The following SPATS2 variants were observed in gnomAD, a reference collection of about 807,000 sequenced individuals.
SPATS2 encodes spermatogenesis-associated serine-rich protein 2.
SPATS2 carries 38 observed loss-of-function variants against 63.7 expected under a neutral mutation model. That is an observed-to-expected ratio of 0.60 (90% CI 0.46 to 0.78). SPATS2 has a LOEUF of 0.78. SPATS2 is among the 30% of genes least tolerant of loss of function. SPATS2 has a pLI of 0.00. For synonymous variants in SPATS2, 207 were observed against 232.9 expected, an observed-to-expected ratio of 0.89 and a Z score of 1.01; for missense variants, 588 against 666.2, an observed-to-expected ratio of 0.88 and a Z score of 1.29.
rs146094998 is a variant in SPATS2 at position 49,494,892 on chromosome 12, A to T, written c.416A>T (p.Asn139Ile). ...GGCTACCATGTCAATGGTGCCATCA[A>T]TGACACTGAGTCTGTGGACTCACTC... Reference protein sequence around the residue: ...MNGYHVNGAINDTESVDSLSE... With the variant: ...MNGYHVNGAIIDTESVDSLSE... The change falls in exon 7 of 14, where the codon AAT becomes ATT. Residue 139 changes from asparagine to isoleucine, a missense_variant. Transcript: ENST00000552918. The T allele has an allele frequency of 6.2e-7, 1 of 1,614,052 alleles. No homozygotes were observed. Among genetic ancestry groups the T allele is most frequent in the Admixed American group, 1.7e-5 (1 of 59,970 alleles).
intron 10 of SPATS2, among the ~76,000 whole-genome samples, chr12:49,518,826 T>C (rs939464454): frequency 1.3e-5 from 2 of 152,230 alleles, no homozygotes; most frequent in African/African-American, 4.8e-5. Flanking sequence ...TGATAAAATT[T>C]TTTTGACTGG....
chr12:49,453,289 G>T (rs1945658495), intron 2 of SPATS2, among the ~76,000 whole-genome samples: 1 of 151,796 alleles, frequency 6.6e-6, no homozygotes. Flanking sequence ...CTGCATTTTT[G>T]AATATCTCAT....
chr12:49,375,029 A>G (rs1054647282), intron 2 of SPATS2, among the ~76,000 whole-genome samples: 1 of 150,918 alleles, frequency 6.6e-6, no homozygotes, highest in African/African-American at 2.4e-5. Flanking sequence ...CAAGGGTTAC[A>G]CAGGGATTCT....
At chr12:49,381,862 A>T (rs1944228417) in intron 2 of SPATS2, among the ~76,000 whole-genome samples, 1 of 152,202 alleles carries the variant, frequency 6.6e-6, no homozygotes, top group Admixed American at 6.5e-5. Flanking sequence ...TCTTGAACTG[A>T]TGAATATATT....
chr12:49,394,280 A>C (rs1337647942), intron 2 of SPATS2, among the ~76,000 whole-genome samples: 1 of 149,464 alleles, frequency 6.7e-6, no homozygotes, highest in Non-Finnish European at 1.5e-5. Flanking sequence ...CAGAGGTTGC[A>C]GTGAGCTGAG....
chr12:49,406,773 T>TA (rs998961663), intron 2 of SPATS2, among the ~76,000 whole-genome samples: 1,001 of 146,688 alleles, frequency 6.8e-3, no homozygotes, highest in Admixed American at 0.012. Context: ...CAGATTTGGT[T>TA]AAAAAAAAAA....
intron 2 of SPATS2, among the ~76,000 whole-genome samples, chr12:49,436,753 C>A (rs1238749282): frequency 6.8e-6 from 1 of 147,438 alleles, no homozygotes; most frequent in Non-Finnish European, 1.5e-5. Flanking sequence ...CCACATCCTT[C>A]CCGGACAGGG....
At chr12:49,524,625 C>A in intron 12 of SPATS2, 57 bp from the exon 13 acceptor site, 1 of 1,548,996 alleles carries the variant, frequency 6.5e-7, no homozygotes. Context: ...AAGTAGAAAC[C>A]TTATCCATTG....
intron 2 of SPATS2, among the ~76,000 whole-genome samples, chr12:49,437,193 G>GGGGC (rs1945324658): frequency 6.6e-6 from 1 of 150,654 alleles, no homozygotes; most frequent in Admixed American, 6.6e-5. Context: ...CTTCTCAGAC[G>GGGGC]GGGCGGCCGG....
At chr12:49,367,173 C>T (rs1028394835), upstream of SPATS2, 17 of 167,648 alleles carry the variant, frequency 1.0e-4, no homozygotes, top group Middle Eastern at 5.5e-3. Flanking sequence ...GTGCGCGGGC[C>T]GTCTCGCCGC....
At chr12:49,425,157 T>C (rs984600926) in intron 2 of SPATS2, among the ~76,000 whole-genome samples, 1 of 152,164 alleles carries the variant, frequency 6.6e-6, no homozygotes, top group African/African-American at 2.4e-5. Flanking sequence ...TCTTAGAGAC[T>C]TGAAGCAATG....
Position 49,524,807 on chromosome 12 carries a change from A to G in SPATS2, c.1237A>G (p.Thr413Ala). 1 of 1,614,118 alleles carries G rather than the reference A, an allele frequency of 6.2e-7. No individual in the cohort carries two copies. Among genetic ancestry groups the G allele is most frequent in the Non-Finnish European group, 8.5e-7 (1 of 1,180,030 alleles). Residue 413 changes from threonine to alanine, a missense_variant, in exon 13 of 14, where the codon ACA becomes GCA. Thr to Ala is a moderately conservative substitution (Grantham distance 58). Transcript: ENST00000552918. ...SSTCASPPSL[T>A]SANKKNFAPG... ...CACCTGTGCCTCTCCTCCCAGCCTT[A>G]CAAGTGCTAACAAGAAAAACTTTGC...
intron 8 of SPATS2, among the ~76,000 whole-genome samples, chr12:49,498,457 A>G (rs1374901999): frequency 2.0e-5 from 3 of 152,142 alleles, no homozygotes; most frequent in Non-Finnish European, 4.4e-5. Flanking sequence ...AGTGTACTAT[A>G]CAGACAGAAC....
In SPATS2 at chr12:49,371,302, C is replaced by T. The variant is rs1168946438; in HGVS notation, c.-244+12C>T. 2.6e-5 allele frequency: 4 copies of T among 152,214 alleles called. No homozygotes were observed. Among genetic ancestry groups the T allele is most frequent in the Admixed American group, 2.6e-4 (4 of 15,282 alleles). 9.4% of individuals were successfully genotyped at this position (152,214 alleles called of 1,614,324 possible). A position where few individuals can be genotyped will look rare whatever the true frequency, so the allele number is the denominator to read the frequency against. On this transcript the variant is annotated intron_variant, in intron 2 of 13. Coordinates refer to ENST00000552918, the MANE Select transcript of SPATS2 (RefSeq NM_023071.4). ...TGGTTACCTCATATGTAAGTGGAAT[C>T]ATACAATATTTACTTTTTTGTGTCT... is the stretch of plus-strand genomic sequence containing the variant.
intron 2 of SPATS2, among the ~76,000 whole-genome samples, chr12:49,409,307 T>G (rs988436854): frequency 1.3e-5 from 2 of 152,032 alleles, no homozygotes; most frequent in Admixed American, 6.6e-5. Context: ...TGTTGTTGTT[T>G]TTTGTTTTGT....
At chr12:49,481,668 A>AC (rs1166588784) in intron 3 of SPATS2, among the ~76,000 whole-genome samples, 66 of 151,794 alleles carry the variant, frequency 4.3e-4, no homozygotes, top group African/African-American at 1.5e-3. Context: ...GGGTTTCACC[A>AC]TGTTTGCTGA....
chr12:49,474,514 C>A (rs1267207034), intron 3 of SPATS2, among the ~76,000 whole-genome samples: 1 of 152,198 alleles, frequency 6.6e-6, no homozygotes, highest in Non-Finnish European at 1.5e-5. Flanking sequence ...CACTCTTTTA[C>A]AGTTCTAAAA....
chr12:49,437,929 A>G (rs1429192491), intron 2 of SPATS2, among the ~76,000 whole-genome samples: 3 of 152,126 alleles, frequency 2.0e-5, no homozygotes, highest in Admixed American at 6.5e-5. Context: ...TATGCTTTGA[A>G]GTTTTTTCCC....
rs752026347 is a variant in SPATS2 at position 49,526,291 on chromosome 12, C to T, written c.*36C>T. 1 of 1,545,502 alleles carries T rather than the reference C, an allele frequency of 6.5e-7. No homozygotes were observed. Among genetic ancestry groups the T allele is most frequent in the South Asian group, 1.3e-5 (1 of 79,622 alleles). ...AGTTGGCCTCTCTCCTCTATCCACA[C>T]AATTCAACTTGATAACTGGACTTTA... On this transcript the variant is annotated 3_prime_UTR_variant, in exon 14 of 14. Transcript: ENST00000552918.
Sources: allele counts gnomAD v4.1 joint callset (sites outside exome capture counted in the v4.1 genomes callset), GRCh38; gene constraint gnomAD v4.1.1; transcripts MANE v1.5; gene names NCBI Gene and HGNC (gene_info 2026-07-23, HGNC 2026-07-21).